The following PDSS2 variants were observed in gnomAD, a reference collection of about 807,000 sequenced individuals.
PDSS2 encodes the protein decaprenyl diphosphate synthase subunit 2, also known as all trans-polyprenyl-diphosphate synthase PDSS2.
A neutral mutation model predicts 44.5 loss-of-function variants in PDSS2; 31 were observed. The ratio of observed to expected loss-of-function variants is 0.70; its 90% CI spans 0.52 to 0.94. The LOEUF is 0.94. Ranked by LOEUF, PDSS2 falls within the 40% of genes least tolerant of loss-of-function variation. The pLI is 0.00. For missense variants in PDSS2, 452 were observed against 482.2 expected (o/e 0.94, Z 0.59); for synonymous variants, 157 against 180.3 (o/e 0.87, Z 1.03).
chr6:107,219,020 T>C (rs1773509855), intron 4 of PDSS2, among the ~76,000 whole-genome samples: 1 of 151,070 alleles, frequency 6.6e-6, no homozygotes, highest in Non-Finnish European at 1.5e-5. Flanking sequence ...ATCACGCCAT[T>C]GCACTCCAGC....
At chr6:107,339,015 A>G (rs73513111) in intron 1 of PDSS2, among the ~76,000 whole-genome samples, 2,291 of 152,260 alleles carry the variant, frequency 0.015, 65 homozygotes, top group African/African-American at 0.053. Context: ...CGAACCACTG[A>G]GCCAGGCCGT....
chr6:107,288,656 G>A (rs961979416), intron 2 of PDSS2, among the ~76,000 whole-genome samples: 2 of 151,910 alleles, frequency 1.3e-5, no homozygotes, highest in African/African-American at 4.8e-5. Context: ...GACTGAAGAG[G>A]GCCTTGAAAA....
intron 3 of PDSS2, among the ~76,000 whole-genome samples, chr6:107,273,251 T>A (rs1490418584): frequency 1.6e-4 from 25 of 151,984 alleles, no homozygotes; most frequent in Admixed American, 1.6e-3. Flanking sequence ...CCCAAAGTGC[T>A]GGGATTACAG....
At chr6:107,308,021 T>C (rs1007137606) in intron 2 of PDSS2, among the ~76,000 whole-genome samples, 2 of 152,180 alleles carry the variant, frequency 1.3e-5, no homozygotes, top group African/African-American at 4.8e-5. Flanking sequence ...TGATAGTTGA[T>C]AATACCAAAT....
intron 1 of PDSS2, among the ~76,000 whole-genome samples, chr6:107,434,223 T>C (rs1048297511): frequency 7.9e-5 from 12 of 152,148 alleles, no homozygotes; most frequent in African/African-American, 2.9e-4. Flanking sequence ...AAAATAGAGA[T>C]AACTTGTGAT....
At chr6:107,275,129 T>C (rs1466857322) in intron 2 of PDSS2, among the ~76,000 whole-genome samples, 31 of 152,206 alleles carry the variant, frequency 2.0e-4, no homozygotes, top group Non-Finnish European at 2.9e-5. Flanking sequence ...GAGGAGCTTG[T>C]AGTATAGAAC....
chr6:107,166,178 C>T (rs1771339710), intron 7 of PDSS2, among the ~76,000 whole-genome samples: 2 of 151,788 alleles, frequency 1.3e-5, no homozygotes, highest in South Asian at 4.2e-4. Flanking sequence ...GCCTGATTGC[C>T]CTGGCCAGAA....
At chr6:107,406,883 G>A (rs1419747191) in intron 1 of PDSS2, among the ~76,000 whole-genome samples, 1 of 152,240 alleles carries the variant, frequency 6.6e-6, no homozygotes, top group Non-Finnish European at 1.5e-5. Context: ...ATTGCTTTGG[G>A]TTCACAGATA....
At chr6:107,289,331 C>T (rs151295063) in intron 2 of PDSS2, among the ~76,000 whole-genome samples, 2,494 of 150,370 alleles carry the variant, frequency 0.017, 69 homozygotes, top group African/African-American at 0.058. Context: ...CGATATCGTG[C>T]CACTGCACTC....
chr6:107,218,671 T>C (rs1244347487), intron 4 of PDSS2, among the ~76,000 whole-genome samples: 1 of 152,174 alleles, frequency 6.6e-6, no homozygotes, highest in Non-Finnish European at 1.5e-5. Flanking sequence ...CAATAAATAT[T>C]TGTTGAATTT....
At chr6:107,155,837 C>CA (rs1770868366) in intron 7 of PDSS2, among the ~76,000 whole-genome samples, 1 of 145,924 alleles carries the variant, frequency 6.9e-6, no homozygotes, top group South Asian at 2.2e-4. Flanking sequence ...CTTAGCCTCC[C>CA]AAAAAGCTGG....
intron 4 of PDSS2, among the ~76,000 whole-genome samples, chr6:107,241,205 C>A (rs555912614): frequency 7.0e-6 from 1 of 142,428 alleles, no homozygotes; most frequent in Non-Finnish European, 1.5e-5. Flanking sequence ...GCTGAGATCG[C>A]GCCACTGCAC....
At chr6:107,337,233 G>A (rs1421145355) in intron 1 of PDSS2, among the ~76,000 whole-genome samples, 1 of 152,106 alleles carries the variant, frequency 6.6e-6, no homozygotes, top group East Asian at 1.9e-4. Flanking sequence ...TACAGATGGG[G>A]AATGAGGCAC....
chr6:107,155,339 G>A (rs1366230544), intron 7 of PDSS2, among the ~76,000 whole-genome samples: 1 of 151,772 alleles, frequency 6.6e-6, no homozygotes, highest in Non-Finnish European at 1.5e-5. Context: ...TAGAGACAGC[G>A]TTTTGCCATG....
At chr6:107,203,823 T>G (rs1393796274) in intron 6 of PDSS2, among the ~76,000 whole-genome samples, 1 of 152,156 alleles carries the variant, frequency 6.6e-6, no homozygotes, top group Non-Finnish European at 1.5e-5. Context: ...GCTTCGCCTC[T>G]CCCCAACCCT....
chr6:107,244,211 G>A (rs1364040597), intron 4 of PDSS2, among the ~76,000 whole-genome samples: 1 of 152,152 alleles, frequency 6.6e-6, no homozygotes, highest in Non-Finnish European at 1.5e-5. Context: ...GTGTGACCTT[G>A]GGAAAATTAC....
At chr6:107,407,048 T>C (rs1315787690) in intron 1 of PDSS2, among the ~76,000 whole-genome samples, 1 of 152,200 alleles carries the variant, frequency 6.6e-6, no homozygotes, top group Non-Finnish European at 1.5e-5. Context: ...GGTTAGGGTT[T>C]TGGTCCATCA....
intron 1 of PDSS2, among the ~76,000 whole-genome samples, chr6:107,396,118 C>T (rs1232834315): frequency 6.6e-6 from 1 of 152,160 alleles, no homozygotes; most frequent in Non-Finnish European, 1.5e-5. Context: ...TGTTCAGCTC[C>T]TCAATAACTT....
chr6:107,339,284 C>T (rs1483736379), intron 1 of PDSS2, among the ~76,000 whole-genome samples: 62 of 152,084 alleles, frequency 4.1e-4, no homozygotes, highest in Non-Finnish European at 1.6e-4. Flanking sequence ...ACAATATATA[C>T]AAAAATTGAA....
Sources: allele counts gnomAD v4.1 joint callset (sites outside exome capture counted in the v4.1 genomes callset), GRCh38; gene constraint gnomAD v4.1.1; transcripts MANE v1.5; gene names NCBI Gene and HGNC (gene_info 2026-07-23, HGNC 2026-07-21).